The following MAPK8 variants were observed in gnomAD, a reference collection of about 807,000 sequenced individuals.
MAPK8 encodes the protein JUN N-terminal kinase.
MAPK8 carries 13 observed loss-of-function variants against 52.9 expected under a neutral mutation model. The observed-to-expected ratio is 0.25, with a 90% CI of 0.16 to 0.39. MAPK8 has a LOEUF of 0.39. MAPK8 is among the 10% of genes least tolerant of loss of function. MAPK8 has a pLI of 1.00. For missense variants in MAPK8, 300 were observed against 519.2 expected (o/e 0.58, Z 4.10); for synonymous variants, 191 against 169.8 (o/e 1.12, Z -0.97).
chr10:48,366,261 A>G (rs1459052079), intron 1 of MAPK8, among the ~76,000 whole-genome samples: 1 of 152,186 alleles, frequency 6.6e-6, no homozygotes, highest in East Asian at 1.9e-4. Flanking sequence ...AAACTAAACA[A>G]AAAAAACCCC....
At chr10:48,424,013 G>C in intron 6 of MAPK8, 75 bp from the exon 7 acceptor site, 1 of 1,020,738 alleles carries the variant, frequency 9.8e-7, no homozygotes, top group Non-Finnish European at 1.4e-6. Context: ...TTTATATAAT[G>C]CAGTCATATT....
intron 5 of MAPK8, among the ~76,000 whole-genome samples, chr10:48,413,796 T>G (rs565644019): frequency 7.8e-5 from 10 of 127,524 alleles, no homozygotes; most frequent in Admixed American, 3.2e-4. Flanking sequence ...TTACCAAAAT[T>G]GAGTATTTGC....
intron 5 of MAPK8, among the ~76,000 whole-genome samples, chr10:48,414,676 A>G (rs2042966693): frequency 1.4e-5 from 2 of 147,110 alleles, no homozygotes; most frequent in South Asian, 4.3e-4. Context: ...TCCTGGGCTC[A>G]GTGATCATCC....
At chr10:48,360,838 T>G (rs1367643278) in intron 1 of MAPK8, among the ~76,000 whole-genome samples, 1 of 152,152 alleles carries the variant, frequency 6.6e-6, no homozygotes, top group African/African-American at 2.4e-5. Context: ...AACTTTAGGA[T>G]AAATGGTACC....
intron 5 of MAPK8, among the ~76,000 whole-genome samples, chr10:48,413,948 C>T (rs1247790665): frequency 6.7e-6 from 1 of 148,278 alleles, no homozygotes; most frequent in East Asian, 2.0e-4. Context: ...ATTCATTTAA[C>T]GTGTACCACT....
chr10:48,320,157 C>T (rs150821739), intron 1 of MAPK8, among the ~76,000 whole-genome samples: 2,588 of 148,896 alleles, frequency 0.017, 29 homozygotes, highest in South Asian at 0.029. Context: ...CTCAGGTGAT[C>T]CCCCACCTTG....
At chr10:48,313,441 C>A (rs1042411299) in intron 1 of MAPK8, among the ~76,000 whole-genome samples, 1 of 151,694 alleles carries the variant, frequency 6.6e-6, no homozygotes, top group Non-Finnish European at 1.5e-5. Flanking sequence ...TCTCAAAAAA[C>A]AACAACAACA....
intron 1 of MAPK8, among the ~76,000 whole-genome samples, chr10:48,378,841 T>C (rs72794369): frequency 0.098 from 14,866 of 152,198 alleles, 755 homozygotes; most frequent in Non-Finnish European, 0.11. Context: ...TTATAGCTCA[T>C]TGCAGCCTTG....
chr10:48,354,402 C>G (rs907109249), intron 1 of MAPK8, among the ~76,000 whole-genome samples: 2 of 152,202 alleles, frequency 1.3e-5, no homozygotes, highest in Non-Finnish European at 2.9e-5. Flanking sequence ...CGTTCTTCCT[C>G]TTCACCTTAA....
chr10:48,406,444 G>C (rs1242704923), intron 3 of MAPK8, among the ~76,000 whole-genome samples: 1 of 152,122 alleles, frequency 6.6e-6, no homozygotes, highest in Non-Finnish European at 1.5e-5. Context: ...AAAGAAAGGT[G>C]GTTCCTTCAA....
chr10:48,332,655 A>G lies in MAPK8; in HGVS notation c.-50+25834A>G, dbSNP rs567927651. 4.0e-4 allele frequency among the ~76,000 whole-genome samples: 61 copies of G among 152,310 alleles called. 3 individuals carry two copies. The South Asian group carries it at 0.012, about 30-fold the overall frequency. On this transcript the variant is annotated intron_variant, in intron 1 of 11. Transcript: ENST00000374189. ...GCTTGCTTAGCAGCTTCAGCTGCAA[A>G]CCTGTTTGCTACAGCTTCTGTGGTG...
chr10:48,410,542 C>T (rs933895005), intron 5 of MAPK8, among the ~76,000 whole-genome samples: 4 of 152,172 alleles, frequency 2.6e-5, no homozygotes, highest in African/African-American at 9.7e-5. Context: ...ATTCATCCAT[C>T]GATGGACATT....
intron 7 of MAPK8, chr10:48,424,659 A>G (rs2133226456): frequency 2.1e-6 from 2 of 963,232 alleles, no homozygotes; most frequent in South Asian, 3.7e-5. Context: ...TTGGTCAGGT[A>G]TAATGTATTT....
chr10:48,340,686 A>G (rs1360266990), intron 1 of MAPK8, among the ~76,000 whole-genome samples: 1 of 152,224 alleles, frequency 6.6e-6, no homozygotes, highest in Admixed American at 6.5e-5. Context: ...GGAATTGTTC[A>G]TCTTATAGTT....
chr10:48,371,336 G>A (rs1300973869), intron 1 of MAPK8, among the ~76,000 whole-genome samples: 1 of 151,998 alleles, frequency 6.6e-6, no homozygotes, highest in Non-Finnish European at 1.5e-5. Flanking sequence ...ATATGGTTGG[G>A]CCCTTTCAAG....
At chr10:48,324,989 T>G (rs1843369407) in intron 1 of MAPK8, among the ~76,000 whole-genome samples, 1 of 152,152 alleles carries the variant, frequency 6.6e-6, no homozygotes, top group Admixed American at 6.5e-5. Context: ...CATCCTTTTT[T>G]TTTTGAGATG....
intron 10 of MAPK8, among the ~76,000 whole-genome samples, chr10:48,427,876 A>G (rs1004609610): frequency 2.0e-5 from 3 of 152,154 alleles, no homozygotes; most frequent in African/African-American, 4.8e-5. Flanking sequence ...TGCTGTATGA[A>G]TATGTCACAC....
intron 1 of MAPK8, among the ~76,000 whole-genome samples, chr10:48,316,788 A>G (rs1842543226): frequency 6.6e-6 from 1 of 152,186 alleles, no homozygotes; most frequent in African/African-American, 2.4e-5. Context: ...TGGGGATTAA[A>G]TAGTTTATTT....
intron 1 of MAPK8, among the ~76,000 whole-genome samples, chr10:48,319,661 T>A (rs1313387603): frequency 6.6e-6 from 1 of 151,714 alleles, no homozygotes; most frequent in Non-Finnish European, 1.5e-5. Flanking sequence ...GGCTAATTTT[T>A]TTGTATTTTT....
Sources: gnomAD v4.1 joint callset for allele counts (sites outside exome capture counted in the v4.1 genomes callset) on GRCh38, gnomAD v4.1.1 for gene constraint, MANE v1.5 for transcripts, NCBI Gene and HGNC (gene_info 2026-07-23, HGNC 2026-07-21) for gene names.